The following SLCO1B3 variants were observed in gnomAD, a reference collection of about 807,000 sequenced individuals.
The protein encoded by SLCO1B3 is liver-specific organic anion transporter 2.
A neutral mutation model predicts 71.8 loss-of-function variants in SLCO1B3; 72 were observed. The ratio of observed to expected loss-of-function variants is 1.00; its 90% confidence interval spans 0.83 to 1.22. The LOEUF (loss-of-function observed/expected upper bound fraction) is 1.22, where lower values mean the gene tolerates loss of function less well. Among genes scored for constraint, SLCO1B3 ranks in the 50% most tolerant of loss-of-function variants. The probability of loss-of-function intolerance (pLI) is 0.00; values close to 1 mark genes in which losing one functional copy is unlikely to be tolerated. For synonymous variants in SLCO1B3, 298 were observed against 278.4 expected, an observed-to-expected ratio of 1.07 and a Z score of -0.70; for missense variants, 911 against 819.7, an observed-to-expected ratio of 1.11 and a Z score of -1.36.
chr12:20,885,712 T>C, intron 13 of SLCO1B3, among the ~76,000 whole-genome samples: 1 of 151,804 alleles, frequency 6.6e-6, no homozygotes, highest in East Asian at 1.9e-4. Flanking sequence ...TGGAGCATAC[T>C]TGATACATAC....
At chr12:20,858,957 T>C (rs1476489104) in intron 5 of SLCO1B3, 3 of 154,356 alleles carry the variant, frequency 1.9e-5, no homozygotes, top group East Asian at 1.9e-4. Flanking sequence ...AGCATTTCAC[T>C]GAAGCTGCTC....
intron 13 of SLCO1B3, among the ~76,000 whole-genome samples, chr12:20,887,562 G>T (rs891670832): frequency 3.3e-5 from 5 of 151,406 alleles, no homozygotes; most frequent in South Asian, 4.2e-4. Flanking sequence ...TTTTAATGAG[G>T]TTTTTTTCCT....
At chr12:20,894,608 A>C (rs1479700384) in intron 13 of SLCO1B3, among the ~76,000 whole-genome samples, 3 of 152,182 alleles carry the variant, frequency 2.0e-5, no homozygotes, top group Non-Finnish European at 4.4e-5. Flanking sequence ...GTAACTTCTG[A>C]AAATCAAGTA....
chr12:20,873,167 G>A (rs967449064), intron 8 of SLCO1B3, among the ~76,000 whole-genome samples: 2 of 152,166 alleles, frequency 1.3e-5, no homozygotes, highest in Non-Finnish European at 2.9e-5. Flanking sequence ...AAGTGCCCAT[G>A]TGCTAGTTTA....
At position 20,916,338 on chromosome 12, in the gene SLCO1B3, G is replaced by A. The variant is rs1866497655; in HGVS notation, c.*91G>A. 8.0e-7 allele frequency: 1 copy of A among 1,243,094 alleles called. No homozygotes were observed. The highest frequency in any genetic ancestry group is 1.1e-6 in the Non-Finnish European group (1 of 875,442). 77.0% of individuals were successfully genotyped at this position (1,243,094 alleles called of 1,614,324 possible). A position where few individuals can be genotyped will look rare whatever the true frequency, so the allele number is the denominator to read the frequency against. ...ATTCTTTACTTACAGTGGACCAATG[G>A]ATAAGTCTATGCATCTATAATAAAC... On this transcript the variant is annotated 3_prime_UTR_variant, in exon 16 of 16. Transcript: ENST00000381545.
intron 14 of SLCO1B3, among the ~76,000 whole-genome samples, chr12:20,899,897 A>G (rs1866095090): frequency 6.6e-6 from 1 of 152,214 alleles, no homozygotes; most frequent in Admixed American, 6.5e-5. Flanking sequence ...AAACATCCAC[A>G]CTTGGTAGCA....
intron 3 of SLCO1B3, among the ~76,000 whole-genome samples, chr12:20,826,319 A>G (rs1195959058): frequency 6.6e-6 from 1 of 152,178 alleles, no homozygotes; most frequent in Non-Finnish European, 1.5e-5. Context: ...GAAAGTTATT[A>G]TCTCAATCCT....
At chr12:20,863,350 T>C (rs1865308961) in intron 8 of SLCO1B3, among the ~76,000 whole-genome samples, 1 of 152,090 alleles carries the variant, frequency 6.6e-6, no homozygotes, top group South Asian at 2.1e-4. Context: ...ATTTAATGAG[T>C]GCTTATAGAA....
intron 8 of SLCO1B3, 124 bp downstream of exon 8, chr12:20,862,978 G>T: frequency 2.0e-6 from 1 of 488,894 alleles, no homozygotes. Flanking sequence ...GTTACAAGTA[G>T]GAAATAAATC....
At chr12:20,821,143 A>G (rs1864295915) in intron 3 of SLCO1B3, among the ~76,000 whole-genome samples, 1 of 152,048 alleles carries the variant, frequency 6.6e-6, no homozygotes, top group Non-Finnish European at 1.5e-5. Context: ...GCGGGAGGGA[A>G]AGAAGGAAGA....
intron 3 of SLCO1B3, among the ~76,000 whole-genome samples, chr12:20,844,288 C>T (rs1183507020): frequency 6.6e-6 from 1 of 151,834 alleles, no homozygotes; most frequent in Non-Finnish European, 1.5e-5. Flanking sequence ...AATTTCTGGC[C>T]AGGCGCAGTG....
intron 14 of SLCO1B3, among the ~76,000 whole-genome samples, chr12:20,900,400 A>G (rs1866103362): frequency 6.6e-6 from 1 of 152,196 alleles, no homozygotes; most frequent in Non-Finnish European, 1.5e-5. Flanking sequence ...TGTATGCTTC[A>G]GTTCTGCCAT....
chr12:20,854,212 A>G (rs766648563), intron 3 of SLCO1B3, among the ~76,000 whole-genome samples: 4 of 152,110 alleles, frequency 2.6e-5, no homozygotes, highest in South Asian at 4.1e-4. Flanking sequence ...TTTGTCTGTT[A>G]GGTTAATTGG....
chr12:20,849,081 C>G (rs564658504), intron 3 of SLCO1B3, among the ~76,000 whole-genome samples: 1 of 151,918 alleles, frequency 6.6e-6, no homozygotes, highest in African/African-American at 2.4e-5. Context: ...TATGTGGAAG[C>G]TCTCTGTAAT....
intron 8 of SLCO1B3, among the ~76,000 whole-genome samples, chr12:20,872,756 GC>G (rs1865498101): frequency 6.6e-6 from 1 of 152,014 alleles, no homozygotes; most frequent in African/African-American, 2.4e-5. Flanking sequence ...TCAAAACTCT[GC>G]CTGGTGCCCT....
At position 20,862,430 on chromosome 12, in the gene SLCO1B3, G is replaced by A. The variant is rs1348625736; in HGVS notation, c.500G>A (p.Gly167Glu). Residue 167 changes from glycine (G) to glutamate (E), a missense_variant, in exon 7 of 16, where the codon GGG becomes GAG. Coordinates refer to ENST00000381545, the MANE Select transcript of SLCO1B3 (RefSeq NM_019844.4). The part of the protein sequence containing the change: ...IVEKDCVKES[G>E]SHMWIYVFMG... The stretch of plus-strand genomic sequence containing the variant: ...TCGATAGATTGTGTAAAGGAATCTG[G>A]GTCACACATGTGGATCTATGTCTTC... 4.3e-6 allele frequency: 7 copies of A among 1,611,944 alleles called. No individual in the cohort carries two copies. The highest frequency in any genetic ancestry group is 5.9e-6 in the Non-Finnish European group (7 of 1,179,212).
chr12:20,865,042 A>T (rs1395570674), intron 8 of SLCO1B3, among the ~76,000 whole-genome samples: 1 of 152,062 alleles, frequency 6.6e-6, no homozygotes, highest in Non-Finnish European at 1.5e-5. Context: ...GAATCCAGGA[A>T]CCAAGATTTT....
In SLCO1B3 at chr12:20,855,043, C is replaced by G. The variant is rs748366885; in HGVS notation, c.100C>G (p.Leu34Val). Residue 34 changes from leucine to valine, a missense_variant, in exon 4 of 16, where the codon CTG (leucine) becomes GTG (valine). By Grantham distance (32) the Leu-to-Val change is conservative (BLOSUM62 1). Coordinates refer to ENST00000381545, the MANE Select transcript of SLCO1B3 (RefSeq NM_019844.4). ...TTGTTTTTAGATGTTCTTGGCAGCC[C>G]TGTCATTCAGCTATATTGCTAAAGC... ...CNGFKMFLAA[L>V]SFSYIAKALG... The G allele has an allele frequency of 3.5e-5, 56 of 1,610,482 alleles. No individual in the cohort carries two copies. The highest frequency in any genetic ancestry group is 4.3e-5 in the Non-Finnish European group (51 of 1,179,522).
intron 4 of SLCO1B3, 148 bp from the exon 5 acceptor site, chr12:20,858,291 T>C (rs1865182017): frequency 5.0e-6 from 3 of 594,622 alleles, no homozygotes; most frequent in Non-Finnish European, 2.9e-6. Flanking sequence ...TGGTTTAATG[T>C]AGGAGAGTTT....
Sources: gnomAD v4.1 joint callset for allele counts (sites outside exome capture counted in the v4.1 genomes callset) on GRCh38, gnomAD v4.1.1 for gene constraint, MANE v1.5 for transcripts, NCBI Gene and HGNC (gene_info 2026-07-23, HGNC 2026-07-21) for gene names.